GLIS3: variants seen among roughly 807,000 people sequenced by gnomAD.
GLIS3 encodes the protein zinc finger protein GLIS3.
Under a neutral mutation model 78.6 loss-of-function variants are expected in GLIS3, and 53 were observed. That is an observed-to-expected ratio of 0.67 (90% CI 0.54 to 0.85). The LOEUF is 0.85. Among genes scored for constraint, GLIS3 ranks in the 40% least tolerant of loss-of-function variants. GLIS3 has a pLI of 0.00. For synonymous variants in GLIS3, 684 were observed against 509.9 expected (o/e 1.34, Z -4.60); for missense variants, 1,703 against 1,231.1 (o/e 1.38, Z -5.74).
chr9:4,104,240 C>T (rs1830589765), intron 4 of GLIS3, among the ~76,000 whole-genome samples: 1 of 152,068 alleles, frequency 6.6e-6, no homozygotes, highest in South Asian at 2.1e-4. Flanking sequence ...GATCTGCTTC[C>T]CTCCCTAAAT....
At chr9:4,048,149 C>T (rs901488833) in intron 4 of GLIS3, among the ~76,000 whole-genome samples, 1 of 152,046 alleles carries the variant, frequency 6.6e-6, no homozygotes, top group Non-Finnish European at 1.5e-5. Flanking sequence ...TTATCCGACC[C>T]CTGAAGAAGA....
Position 4,118,776 on chromosome 9 carries a change from G to A in GLIS3, c.702C>T (p.Leu234=). Reference sequence around the variant, plus strand: ...GAGAGCCGTGGTTGGAGAGCGAAGGGAGGGCCCTGTAGCCCTGGGACCACT... The same window carrying A: ...GAGAGCCGTGGTTGGAGAGCGAAGGAAGGGCCCTGTAGCCCTGGGACCACT... ...KQEWSQGYRA[L]PSLSNHGSQN... The change falls in exon 4 of 11, where the codon CTC becomes CTT. Residue 234 remains leucine, a synonymous_variant. Coordinates refer to ENST00000381971, the MANE Select transcript of GLIS3 (RefSeq NM_001042413.2). The surrounding 1 kb of genome is among the most constrained non-coding windows in gnomAD (Gnocchi z 4.7). 6.2e-7 allele frequency: 1 copy of A among 1,612,816 alleles called. No individual in the cohort carries two copies. The highest frequency in any genetic ancestry group is 8.5e-7 in the Non-Finnish European group (1 of 1,180,022).
At chr9:4,424,495 C>G in the GLIS3 span, among the ~76,000 whole-genome samples, 7 of 152,160 alleles carry the variant, frequency 4.6e-5, 1 homozygote, top group Non-Finnish European at 1.0e-4. Flanking sequence ...AACGTGGTCT[C>G]TTAGAGAATA....
At chr9:4,241,830 G>A (rs756104353) in intron 2 of GLIS3, among the ~76,000 whole-genome samples, 7 of 152,158 alleles carry the variant, frequency 4.6e-5, no homozygotes, top group South Asian at 2.1e-4. Flanking sequence ...TTACAGGCAC[G>A]TACCACCATG....
the GLIS3 span, among the ~76,000 whole-genome samples, chr9:4,460,030 G>A: frequency 6.6e-6 from 1 of 151,948 alleles, no homozygotes; most frequent in African/African-American, 2.4e-5. Context: ...AAGTGGTGCT[G>A]AATTGTCCAT....
Position 3,828,312 on chromosome 9 carries a change from C to G in GLIS3, c.2753G>C (p.Arg918Pro). The G allele has an allele frequency of 6.2e-7, 1 of 1,613,440 alleles. No individual in the cohort carries two copies. The highest frequency in any genetic ancestry group is 1.1e-5 in the South Asian group (1 of 91,072). ...ATFLQISTVD[R>P]CPSQLSSVYT... The stretch of plus-strand genomic sequence containing the variant: ...GACAGAGGAGAGCTGGCTAGGACAG[C>G]GGTCCACGGTGCTGATCTGCAAGAA... Residue 918 changes from arginine to proline, a missense_variant, in exon 11 of 11, where the codon CGC becomes CCC. Physicochemically the swap from Arg to Pro is moderately radical, Grantham distance 103. Coordinates refer to ENST00000381971, the MANE Select transcript of GLIS3 (RefSeq NM_001042413.2).
At chr9:4,487,102 C>T in the GLIS3 span, among the ~76,000 whole-genome samples, 34 of 152,224 alleles carry the variant, frequency 2.2e-4, 1 homozygote, top group African/African-American at 7.9e-4. Context: ...TGGGTTCAAG[C>T]GATTCTCCTG....
intron 2 of GLIS3, among the ~76,000 whole-genome samples, chr9:4,257,458 G>C (rs1221192100): frequency 6.6e-6 from 1 of 152,118 alleles, no homozygotes; most frequent in Non-Finnish European, 1.5e-5. Flanking sequence ...AATTTGGCAA[G>C]GGAATAGATT....
In GLIS3 at chr9:3,878,166, A is replaced by G. The variant is rs536345531; in HGVS notation, c.2297+1261T>C. Among the ~76,000 whole-genome samples the G allele has an allele frequency of 4.6e-5, 7 of 152,050 alleles. No homozygotes were observed. The South Asian group carries it at 8.3e-4, about 18-fold the overall frequency. ...CCAGAAGAGCCTTAGTCTTCCTTCA[A>G]TGCCTACATCACTGTGTCTTTCTTT... On this transcript the variant is annotated intron_variant, in intron 8 of 10. Coordinates refer to ENST00000381971, the MANE Select transcript of GLIS3 (RefSeq NM_001042413.2).
At position 3,970,068 on chromosome 9, in the gene GLIS3, G is replaced by A. The variant is rs569870459; in HGVS notation, c.1711-32879C>T. Among the ~76,000 whole-genome samples, 6 of 152,300 alleles carry A rather than the reference G, an allele frequency of 3.9e-5. 1 individual carries two copies. Among genetic ancestry groups the A allele is most frequent in the Admixed American group, 3.9e-4 (6 of 15,294 alleles). ...ACAACCAGGAAGTCAGTAATTTAGTGTTAGCTTTCGTCTCTGCCTAAATGC... is the reference window on the plus strand; with the variant it reads ...ACAACCAGGAAGTCAGTAATTTAGTATTAGCTTTCGTCTCTGCCTAAATGC... On this transcript the variant is annotated intron_variant, in intron 4 of 10. Transcript: ENST00000381971.
At chr9:4,010,852 C>A (rs1208705401) in intron 4 of GLIS3, among the ~76,000 whole-genome samples, 3 of 152,184 alleles carry the variant, frequency 2.0e-5, no homozygotes, top group African/African-American at 7.2e-5. Flanking sequence ...AACCCATGAA[C>A]CTGATGGAGG....
intron 4 of GLIS3, among the ~76,000 whole-genome samples, chr9:4,033,886 A>AAAAAAAAAAAAC (rs1185830960): frequency 9.4e-5 from 14 of 149,600 alleles, no homozygotes; most frequent in African/African-American, 3.0e-4. Context: ...AAAAAAAAAA[A>AAAAAAAAAAAAC]AAAACTAGAA....
intron 4 of GLIS3, among the ~76,000 whole-genome samples, chr9:3,983,297 C>T (rs981273706): frequency 2.0e-5 from 3 of 152,168 alleles, no homozygotes; most frequent in African/African-American, 4.8e-5. Flanking sequence ...GTGAGGTCTC[C>T]CCAGCCATGT....
chr9:4,079,336 A>C (rs759750769), intron 4 of GLIS3, among the ~76,000 whole-genome samples: 3 of 152,236 alleles, frequency 2.0e-5, no homozygotes, highest in Non-Finnish European at 2.9e-5. Flanking sequence ...GATCCTAGTC[A>C]AAGGCAAACT....
At chr9:3,895,899 T>A (rs1302065128) in intron 7 of GLIS3, among the ~76,000 whole-genome samples, 3 of 152,232 alleles carry the variant, frequency 2.0e-5, no homozygotes, top group Admixed American at 1.3e-4. Flanking sequence ...TCAACGGGTT[T>A]CCATCAAAAT....
chr9:4,313,148 G>A (rs1054555758), intron 2 of GLIS3, among the ~76,000 whole-genome samples: 2 of 152,178 alleles, frequency 1.3e-5, no homozygotes, highest in Non-Finnish European at 2.9e-5. Flanking sequence ...GATAACATGG[G>A]AGGTGGAGGT....
At chr9:4,030,424 C>T (rs1736378182) in intron 4 of GLIS3, among the ~76,000 whole-genome samples, 1 of 152,116 alleles carries the variant, frequency 6.6e-6, no homozygotes, top group South Asian at 2.1e-4. Context: ...GGTCGCTATA[C>T]AGAAGCTTTT....
chr9:3,967,218 A>T (rs1214226176), intron 4 of GLIS3, among the ~76,000 whole-genome samples: 1 of 152,118 alleles, frequency 6.6e-6, no homozygotes, highest in Non-Finnish European at 1.5e-5. Context: ...AAAATTCTCT[A>T]TCCTGCTGGG....
chr9:3,927,512 C>G (rs1238176139), intron 6 of GLIS3, among the ~76,000 whole-genome samples: 1 of 152,178 alleles, frequency 6.6e-6, no homozygotes, highest in Non-Finnish European at 1.5e-5. Flanking sequence ...GGAACGTATT[C>G]TAAAGCGCAC....
Sources: gnomAD v4.1 joint callset for allele counts (sites outside exome capture counted in the v4.1 genomes callset) on GRCh38, gnomAD v4.1.1 for gene constraint, Gnocchi (gnomAD v3.1) non-coding constraint, MANE v1.5 for transcripts, NCBI Gene and HGNC (gene_info 2026-07-23, HGNC 2026-07-21) for gene names.